The following PARVA variants were observed in gnomAD, a reference collection of about 807,000 sequenced individuals.
PARVA encodes parvin alpha.
PARVA carries 25 observed loss-of-function variants against 52.6 expected under a neutral mutation model. That is an observed-to-expected ratio of 0.48 (90% CI 0.35 to 0.66). The LOEUF is 0.66. Among genes scored for constraint, PARVA ranks in the 30% least tolerant of loss-of-function variants. The pLI is 0.01. For synonymous variants in PARVA, 185 were observed against 179.1 expected (o/e 1.03, Z -0.26); for missense variants, 373 against 450.9 (o/e 0.83, Z 1.56).
At chr11:12,440,754 G>A (rs1044687915) in intron 1 of PARVA, among the ~76,000 whole-genome samples, 2 of 152,216 alleles carry the variant, frequency 1.3e-5, no homozygotes, top group African/African-American at 4.8e-5. Context: ...CCTCCAAGGG[G>A]CCACTCTCAG....
chr11:12,503,168 T>A (rs920679670), intron 5 of PARVA, among the ~76,000 whole-genome samples: 10 of 152,182 alleles, frequency 6.6e-5, no homozygotes, highest in African/African-American at 2.4e-4. Flanking sequence ...TTAAAGGGCA[T>A]TGCCTACAGT....
intron 1 of PARVA, among the ~76,000 whole-genome samples, chr11:12,442,084 G>A (rs547217981): frequency 8.5e-5 from 13 of 152,312 alleles, no homozygotes; most frequent in East Asian, 1.9e-4. Context: ...TACTTGATGC[G>A]TGGACCAGTT....
chr11:12,386,733 A>G (rs564336068), intron 1 of PARVA, among the ~76,000 whole-genome samples: 1 of 152,230 alleles, frequency 6.6e-6, no homozygotes, highest in African/African-American at 2.4e-5. Context: ...TCTAACATTA[A>G]AAGATTAGAC....
chr11:12,440,646 C>CTTCTAAGCTCA (rs1554896003), intron 1 of PARVA, among the ~76,000 whole-genome samples: 1 of 152,200 alleles, frequency 6.6e-6, no homozygotes, highest in African/African-American at 2.4e-5. Context: ...AAAGAATCTG[C>CTTCTAAGCTCA]TTCTAAGCTC....
intron 1 of PARVA, among the ~76,000 whole-genome samples, chr11:12,443,092 A>T (rs1940491184): frequency 6.8e-6 from 1 of 148,046 alleles, no homozygotes; most frequent in South Asian, 2.1e-4. Flanking sequence ...TGATCTCCTG[A>T]TCTTGTGATC....
At chr11:12,461,913 C>T (rs1356590633) in intron 1 of PARVA, among the ~76,000 whole-genome samples, 2 of 152,198 alleles carry the variant, frequency 1.3e-5, no homozygotes, top group African/African-American at 4.8e-5. Context: ...GTGTCAAGTA[C>T]AAGAGAGTGT....
Position 12,474,070 on chromosome 11 carries a change from G to A in PARVA, c.297+87G>A, listed in dbSNP as rs1940971829. On this transcript the variant is annotated intron_variant, in intron 3 of 12. Coordinates refer to ENST00000334956, the MANE Select transcript of PARVA (RefSeq NM_018222.5). Reference sequence around the variant, plus strand: ...CCTGCTCTGTGCAGGTACCCCACGAGCCCCTGAGAGAAGGTAAAAAGTCAT... The same window carrying A: ...CCTGCTCTGTGCAGGTACCCCACGAACCCCTGAGAGAAGGTAAAAAGTCAT... 3.7e-6 allele frequency: 4 copies of A among 1,067,738 alleles called. No individual in the cohort carries two copies. In the African/African-American group the frequency reaches 4.7e-5, roughly 13 times the overall value. The allele number at this position is 1,067,738 out of a possible 1,614,324, so 66.1% of individuals were successfully genotyped here. A position where few individuals can be genotyped will look rare whatever the true frequency, so the allele number is the denominator to read the frequency against.
intron 5 of PARVA, among the ~76,000 whole-genome samples, 172 bp from the exon 6 acceptor site, chr11:12,504,142 C>T (rs888006184): frequency 3.7e-4 from 56 of 152,280 alleles, no homozygotes; most frequent in Admixed American, 2.0e-4. Context: ...AATCCAAATA[C>T]CTCCCACCAG....
intron 1 of PARVA, among the ~76,000 whole-genome samples, chr11:12,403,968 A>T (rs1011164260): frequency 4.6e-5 from 7 of 152,244 alleles, no homozygotes; most frequent in Admixed American, 4.6e-4. Flanking sequence ...ACACTTTACC[A>T]GTTATGGAAG....
At position 12,520,893 on chromosome 11, in the gene PARVA, C is replaced by T. The variant is rs553150026; in HGVS notation, c.1042+2376C>T. ...GCTTGAGCCTGGGAGGCGGAAGTTG[C>T]ACCACTGCACTCCAGCCTGGGCAAC... On this transcript the variant is annotated intron_variant, in intron 12 of 12. Coordinates refer to ENST00000334956, the MANE Select transcript of PARVA (RefSeq NM_018222.5). 8.5e-5 allele frequency among the ~76,000 whole-genome samples: 13 copies of T among 152,056 alleles called. No individual in the cohort carries two copies. In the East Asian group the frequency reaches 2.3e-3, roughly 27 times the overall value.
In PARVA at chr11:12,533,362, T is replaced by C. The variant is rs989612129; in HGVS notation, c.*5437T>C. Among the ~76,000 whole-genome samples the C allele has an allele frequency of 6.6e-6, 1 of 152,192 alleles. No homozygotes were observed. The highest frequency in any genetic ancestry group is 1.5e-5 in the Non-Finnish European group (1 of 68,038). On this transcript the variant is annotated 3_prime_UTR_variant, in exon 13 of 13. Coordinates refer to ENST00000334956, the MANE Select transcript of PARVA (RefSeq NM_018222.5). ...CATTCAGCCTGTGGGCTTGACAAAC[T>C]ATAAGCAAGCCTCCTGGATGTGGAA... is the stretch of plus-strand genomic sequence containing the variant.
intron 1 of PARVA, among the ~76,000 whole-genome samples, chr11:12,411,791 T>G (rs983464199): frequency 6.6e-6 from 1 of 152,176 alleles, no homozygotes; most frequent in Non-Finnish European, 1.5e-5. Context: ...TCTAAAAACA[T>G]GGTTTGAAAA....
chr11:12,505,001 G>A (rs1162719552), intron 6 of PARVA, among the ~76,000 whole-genome samples: 1 of 152,154 alleles, frequency 6.6e-6, no homozygotes. Context: ...CAGAAGCACA[G>A]CTGGGATCTC....
Position 12,533,714 on chromosome 11 carries a change from T to TAA in PARVA, c.*5790_*5791dup, listed in dbSNP as rs1176487219. The stretch of plus-strand genomic sequence containing the variant: ...CGGTAAGCTAGAGAAAAAATGTTAC[T>TAA]AAGAAAAACATAAGCAAGAGAAAAT... On this transcript the variant is annotated 3_prime_UTR_variant, in exon 13 of 13. Coordinates refer to ENST00000334956, the MANE Select transcript of PARVA (RefSeq NM_018222.5). Among the ~76,000 whole-genome samples the TAA allele has an allele frequency of 2.0e-5, 3 of 152,046 alleles. No homozygotes were observed. The highest frequency in any genetic ancestry group is 6.6e-5 in the Admixed American group (1 of 15,264).
rs551819554 is a variant in PARVA at position 12,443,395 on chromosome 11, C to G, written c.137-30350C>G. On this transcript the variant is annotated intron_variant, in intron 1 of 12. Coordinates refer to ENST00000334956, the MANE Select transcript of PARVA (RefSeq NM_018222.5). The stretch of plus-strand genomic sequence containing the variant: ...CCATGTTGGCCAGGATGGTCTCAAT[C>G]TCCTGACCTCATGATCCGCCCACCT... Among the ~76,000 whole-genome samples the G allele has an allele frequency of 5.3e-5, 8 of 151,794 alleles. No homozygotes were observed. The South Asian group carries it at 1.7e-3, about 32-fold the overall frequency.
intron 10 of PARVA, among the ~76,000 whole-genome samples, chr11:12,517,186 GACCTTTCTCA>G (rs1941578585): frequency 6.6e-6 from 1 of 151,972 alleles, no homozygotes; most frequent in Non-Finnish European, 1.5e-5. Context: ...GCTTGTGGGC[GACCTTTCTCA>G]ACCTCACTCA....
chr11:12,485,548 A>ATTATTT (rs1941146839), intron 4 of PARVA, among the ~76,000 whole-genome samples: 1 of 152,230 alleles, frequency 6.6e-6, no homozygotes. Flanking sequence ...CAAAGCTGGA[A>ATTATTT]TTATTTGGGG....
At chr11:12,466,698 T>C (rs144502851) in intron 1 of PARVA, among the ~76,000 whole-genome samples, 37 of 151,962 alleles carry the variant, frequency 2.4e-4, no homozygotes, top group African/African-American at 9.0e-4. Context: ...TATCCAACCG[T>C]AGGTCACACA....
intron 1 of PARVA, among the ~76,000 whole-genome samples, chr11:12,469,511 G>A (rs957057914): frequency 9.2e-5 from 14 of 152,282 alleles, no homozygotes; most frequent in Non-Finnish European, 1.6e-4. Flanking sequence ...CTTTCAGTGC[G>A]TGAGGATTGG....
Sources: gnomAD v4.1 joint callset for allele counts (sites outside exome capture counted in the v4.1 genomes callset) on GRCh38, gnomAD v4.1.1 for gene constraint, MANE v1.5 for transcripts, NCBI Gene and HGNC (gene_info 2026-07-23, HGNC 2026-07-21) for gene names.